Variants in FBXO25 observed in about 807,000 individuals in gnomAD.
The protein encoded by FBXO25 is F-box only protein 25.
Under a neutral mutation model 51.9 loss-of-function variants are expected in FBXO25, and 45 were observed. That is an observed-to-expected ratio of 0.87 (90% CI 0.68 to 1.11). The LOEUF (loss-of-function observed/expected upper bound fraction) is 1.11, where lower values mean the gene tolerates loss of function less well. FBXO25 is among the 50% of genes most tolerant of loss of function. The pLI, the probability that FBXO25 is intolerant of heterozygous loss-of-function variation, is 0.00. For synonymous variants in FBXO25, 199 were observed against 151.0 expected, an observed-to-expected ratio of 1.32 and a Z score of -2.33; for missense variants, 507 against 428.5, an observed-to-expected ratio of 1.18 and a Z score of -1.62.
In FBXO25 at chr8:471,849, G is replaced by C. The variant is rs557815339; in HGVS notation, c.*3045G>C. 1 of 152,232 alleles carries C rather than the reference G, an allele frequency of 6.6e-6. No individual in the cohort carries two copies. The highest frequency in any genetic ancestry group is 1.5e-5 in the Non-Finnish European group (1 of 68,046). The allele number at this position is 152,232 out of a possible 1,614,324, so 9.4% of individuals were successfully genotyped here. A position where few individuals can be genotyped will look rare whatever the true frequency, so the allele number is the denominator to read the frequency against. ...ATGCACTGTGTGTGCGTACTGTACA[G>C]GGCTGTACACAGCAAACTGTGTCTA... On this transcript the variant is annotated 3_prime_UTR_variant, in exon 10 of 10. Transcript: ENST00000350302.
chr8:425,683 A>G (rs1436357082), intron 2 of FBXO25, among the ~76,000 whole-genome samples: 1 of 151,798 alleles, frequency 6.6e-6, no homozygotes, highest in Non-Finnish European at 1.5e-5. Context: ...TCTGAGTCCT[A>G]TAAATTCTCT....
chr8:461,615 A>G (rs1435760997), intron 8 of FBXO25, among the ~76,000 whole-genome samples: 1 of 152,192 alleles, frequency 6.6e-6, no homozygotes, highest in African/African-American at 2.4e-5. Context: ...GGACACAGCT[A>G]AAACATCAGC....
rs538112541 is a variant in FBXO25 at position 468,272 on chromosome 8, A to G, written c.988-443A>G. 4.6e-4 allele frequency: 467 copies of G among 1,013,664 alleles called. 3 individuals carry two copies. The African/African-American group carries it at 5.3e-3, about 12-fold the overall frequency. The allele number at this position is 1,013,664 out of a possible 1,614,324, so 62.8% of individuals were successfully genotyped here. On this transcript the variant is annotated intron_variant, in intron 9 of 9. Coordinates refer to ENST00000350302, the MANE Select transcript of FBXO25 (RefSeq NM_183420.2). ...TCTCCTGTCCTATGCAGGGAGCCCA[A>G]GCTGATTCAGGGATGAATGGCGGGT...
intron 2 of FBXO25, among the ~76,000 whole-genome samples, chr8:422,843 T>G (rs1294633718): frequency 6.6e-6 from 1 of 152,174 alleles, no homozygotes; most frequent in East Asian, 1.9e-4. Context: ...ATTGACTTAA[T>G]AGCTATATGG....
At chr8:467,913 C>T in intron 9 of FBXO25, 1 of 1,484,518 alleles carries the variant, frequency 6.7e-7, no homozygotes, top group Non-Finnish European at 8.9e-7. Context: ...GATCAAACAC[C>T]TCAGCAAGGA....
chr8:419,474 C>G (rs1797021566), intron 2 of FBXO25, among the ~76,000 whole-genome samples: 1 of 152,176 alleles, frequency 6.6e-6, no homozygotes, highest in African/African-American at 2.4e-5. Flanking sequence ...CAGTGGAACA[C>G]AACAGAGGAC....
intron 1 of FBXO25, among the ~76,000 whole-genome samples, chr8:407,682 C>T (rs1244986556): frequency 1.3e-5 from 2 of 152,110 alleles, no homozygotes; most frequent in Admixed American, 6.5e-5. Context: ...CCGGTGGGCA[C>T]CTGCTAGGTG....
intron 4 of FBXO25, 31 bp downstream of exon 4, chr8:432,966 C>A: frequency 6.6e-7 from 1 of 1,517,276 alleles, no homozygotes; most frequent in African/African-American, 1.4e-5. Flanking sequence ...ATGAGAGTAT[C>A]TTGTATTGTT....
intron 2 of FBXO25, among the ~76,000 whole-genome samples, chr8:425,245 G>A (rs1428388779): frequency 2.0e-5 from 3 of 151,788 alleles, no homozygotes; most frequent in South Asian, 2.1e-4. Context: ...ATCACCAAGT[G>A]TATATTCCTA....
chr8:425,629 T>C (rs1240806012), intron 2 of FBXO25, among the ~76,000 whole-genome samples: 1 of 151,834 alleles, frequency 6.6e-6, no homozygotes, highest in Non-Finnish European at 1.5e-5. Flanking sequence ...TGTATTGATA[T>C]AGGTATTTAA....
At position 472,609 on chromosome 8, in the gene FBXO25, G is replaced by A. The variant is rs142603942; in HGVS notation, c.*3805G>A. 13 of 151,912 alleles carry A rather than the reference G, an allele frequency of 8.6e-5. No individual in the cohort carries two copies. Among genetic ancestry groups the A allele is most frequent in the African/African-American group, 2.9e-4 (12 of 41,432 alleles). 9.4% of individuals were successfully genotyped at this position (151,912 alleles called of 1,614,324 possible). Reference sequence around the variant, plus strand: ...GTGTTCCCTCTTCTGTGTTTTGGAAGTGTTTGTGGTGGTTTCTTGTTAATT... The same window carrying A: ...GTGTTCCCTCTTCTGTGTTTTGGAAATGTTTGTGGTGGTTTCTTGTTAATT... On this transcript the variant is annotated 3_prime_UTR_variant, in exon 10 of 10. Transcript: ENST00000350302.
intron 5 of FBXO25, among the ~76,000 whole-genome samples, chr8:438,686 C>G (rs1004993653): frequency 1.3e-5 from 2 of 152,184 alleles, no homozygotes; most frequent in African/African-American, 4.8e-5. Flanking sequence ...CGCTGAGCAC[C>G]TCCTGTGTGC....
At chr8:444,120 A>T (rs566311319) in intron 5 of FBXO25, among the ~76,000 whole-genome samples, 1 of 152,256 alleles carries the variant, frequency 6.6e-6, no homozygotes, top group African/African-American at 2.4e-5. Context: ...CAGGTACTTC[A>T]GATGGTGCCT....
At chr8:449,606 G>A (rs763621758) in intron 5 of FBXO25, among the ~76,000 whole-genome samples, 1 of 152,206 alleles carries the variant, frequency 6.6e-6, no homozygotes, top group Non-Finnish European at 1.5e-5. Flanking sequence ...CTTAGGTTGT[G>A]AAAATACTTG....
At chr8:411,140 A>C (rs1208845088) in intron 1 of FBXO25, among the ~76,000 whole-genome samples, 2 of 152,228 alleles carry the variant, frequency 1.3e-5, no homozygotes, top group Non-Finnish European at 2.9e-5. Context: ...CTATATTATA[A>C]AATACTCAAG....
Position 469,685 on chromosome 8 carries a change from GA to G in FBXO25, c.*885del, listed in dbSNP as rs1472032795. 3 of 151,910 alleles carry G rather than the reference GA, an allele frequency of 2.0e-5. No individual in the cohort carries two copies. Among genetic ancestry groups the G allele is most frequent in the Middle Eastern group, 3.4e-3 (1 of 292 alleles). The allele number at this position is 151,910 out of a possible 1,614,324, so 9.4% of individuals were successfully genotyped here. A position where few individuals can be genotyped will look rare whatever the true frequency, so the allele number is the denominator to read the frequency against. On this transcript the variant is annotated 3_prime_UTR_variant, in exon 10 of 10. Coordinates refer to ENST00000350302, the MANE Select transcript of FBXO25 (RefSeq NM_183420.2). ...AACGCATGTCCATTTTAGAAAATTA[GA>G]AAATCAGTCCCACCACCCAAAGATT...
chr8:462,580 A>T (rs1029993034), intron 8 of FBXO25, among the ~76,000 whole-genome samples: 1 of 152,238 alleles, frequency 6.6e-6, no homozygotes, highest in Admixed American at 6.5e-5. Context: ...TATGTACTAC[A>T]CTGCCTTTGA....
chr8:445,073 A>C (rs1481294788), intron 5 of FBXO25, among the ~76,000 whole-genome samples: 4 of 152,156 alleles, frequency 2.6e-5, no homozygotes, highest in African/African-American at 9.7e-5. Context: ...TTTCTTTGTT[A>C]ATTGTCTTTC....
At chr8:448,317 G>A (rs1798861824) in intron 5 of FBXO25, among the ~76,000 whole-genome samples, 1 of 152,164 alleles carries the variant, frequency 6.6e-6, no homozygotes, top group Admixed American at 6.5e-5. Flanking sequence ...TATCCTACAG[G>A]AATTATTAAA....
Sources: gnomAD v4.1 joint callset for allele counts (sites outside exome capture counted in the v4.1 genomes callset) on GRCh38, gnomAD v4.1.1 for gene constraint, MANE v1.5 for transcripts, NCBI Gene and HGNC (gene_info 2026-07-23, HGNC 2026-07-21) for gene names.